The following STK33 variants were observed in gnomAD, a reference collection of about 807,000 sequenced individuals.
STK33 encodes serine/threonine-protein kinase 33.
Under a neutral mutation model 58.0 loss-of-function variants are expected in STK33, and 52 were observed. The observed-to-expected ratio is 0.90, with a 90% confidence interval of 0.72 to 1.13. STK33 has a LOEUF of 1.13. Among genes scored for constraint, STK33 ranks in the 50% most tolerant of loss-of-function variants. The probability of loss-of-function intolerance (pLI) is 0.00; values close to 1 mark genes in which losing one functional copy is unlikely to be tolerated. For missense variants in STK33, 630 were observed against 604.2 expected, an observed-to-expected ratio of 1.04 and a Z score of -0.45; for synonymous variants, 215 against 200.1, an observed-to-expected ratio of 1.07 and a Z score of -0.63.
At chr11:8,457,078 T>C (rs964618278) in intron 9 of STK33, among the ~76,000 whole-genome samples, 8 of 152,240 alleles carry the variant, frequency 5.3e-5, no homozygotes, top group African/African-American at 1.9e-4. Flanking sequence ...CCTTTACCAT[T>C]GATTTGTCTA....
At chr11:8,534,694 A>G (rs1954855606) in intron 1 of STK33, among the ~76,000 whole-genome samples, 2 of 151,900 alleles carry the variant, frequency 1.3e-5, no homozygotes, top group Non-Finnish European at 2.9e-5. Context: ...ACTTTGTAAC[A>G]TATTAAATCA....
intron 1 of STK33, among the ~76,000 whole-genome samples, chr11:8,486,366 T>C (rs1266122185): frequency 6.6e-6 from 1 of 152,208 alleles, no homozygotes. Context: ...TTTCCTGGAA[T>C]CCAGTGCTTT....
At chr11:8,586,721 G>C (rs1314077116) in intron 1 of STK33, among the ~76,000 whole-genome samples, 3 of 151,144 alleles carry the variant, frequency 2.0e-5, no homozygotes, top group African/African-American at 7.3e-5. Context: ...TAACTCGGGA[G>C]GCTGAGGCAG....
chr11:8,369,469 G>A, the STK33 span, among the ~76,000 whole-genome samples: 1 of 149,194 alleles, frequency 6.7e-6, no homozygotes, highest in African/African-American at 2.5e-5. Flanking sequence ...GAATGAGGAG[G>A]CTAAGGGAGT....
the STK33 span, among the ~76,000 whole-genome samples, chr11:8,335,451 AC>A: frequency 6.6e-6 from 1 of 152,042 alleles, no homozygotes; most frequent in South Asian, 2.1e-4. Context: ...AAGGCTGACG[AC>A]CTCCAAAAGG....
rs764685494 is a variant in STK33 at position 8,474,814 on chromosome 11, T to C, written c.92A>G (p.Lys31Arg). ...QKDVLCVCSS[K>R]TRVPPVLVVE... is the part of the protein sequence containing the mutation. The stretch of plus-strand genomic sequence containing the variant: ...CACCAAAACTGGAGGAACCCTTGTT[T>C]TGCTGGAACATACACAAAGTACATC... Residue 31 changes from lysine to arginine, a missense_variant, in exon 5 of 16, where the codon AAA becomes AGA. Physicochemically the swap from Lys to Arg is conservative, Grantham distance 26. Coordinates refer to ENST00000687296, the MANE Select transcript of STK33 (RefSeq NM_001352389.2). 4 of 1,613,306 alleles carry C rather than the reference T, an allele frequency of 2.5e-6. No homozygotes were observed. The highest frequency in any genetic ancestry group is 2.2e-5 in the East Asian group (1 of 44,836).
the STK33 span, among the ~76,000 whole-genome samples, chr11:8,341,299 C>T: frequency 1.5e-4 from 23 of 152,326 alleles, no homozygotes; most frequent in East Asian, 4.4e-3. Context: ...AGGACAGCGA[C>T]CCCACAAAGC....
rs34759366 is a variant in STK33, at chr11:8,508,266, C to CTTTT, written c.-465-27656_-465-27653dup. Among the ~76,000 whole-genome samples, 1,101 of 114,242 alleles carry CTTTT rather than the reference C, an allele frequency of 9.6e-3. 49 individuals carry two copies. The highest frequency in any genetic ancestry group is 0.05 in the Admixed American group (484 of 9,776). 74.9% of individuals were successfully genotyped at this position (114,242 alleles called of 152,430 possible). On this transcript the variant is annotated intron_variant, in intron 1 of 15. Coordinates refer to ENST00000687296, the MANE Select transcript of STK33 (RefSeq NM_001352389.2). ...TGAAACAAATACTCTACCTTCTATT[C>CTTTT]TTTTTTTTTTTTTTTTTTTTGAGAC... is the stretch of plus-strand genomic sequence containing the variant.
chr11:8,471,284 A>G (rs1224684519), intron 6 of STK33, among the ~76,000 whole-genome samples: 1 of 152,214 alleles, frequency 6.6e-6, no homozygotes, highest in African/African-American at 2.4e-5. Context: ...GAAATGGCCA[A>G]CTAGTTTTTT....
chr11:8,577,055 G>A (rs550391384), intron 1 of STK33, among the ~76,000 whole-genome samples: 5 of 152,134 alleles, frequency 3.3e-5, no homozygotes, highest in Non-Finnish European at 7.4e-5. Flanking sequence ...CTGCCAGGAA[G>A]ATTCATTTAG....
chr11:8,593,793 T>TGGGGTGAAGGTGAGACGGTG (rs1403656056), intron 1 of STK33: 1 of 152,218 alleles, frequency 6.6e-6, no homozygotes, highest in Non-Finnish European at 1.5e-5. Context: ...CGTCCCAAGA[T>TGGGGTGAAGGTGAGACGGTG]GGGGTGAAGG....
In STK33 at chr11:8,392,567, T is replaced by C. The variant is rs561491677; in HGVS notation, c.1488A>G (p.Thr496=). ...CGGATTTAGCAGGGTACTTGGTTGC[T>C]GTTCCTTGGCTTGGAGTCACAGGGG... ...EKTPVTPSQG[T]ATKYPAKSGA... is the part of the protein sequence containing the mutation. Residue 496 remains threonine (T), a synonymous_variant, in exon 16 of 16, where the codon ACA becomes ACG. Coordinates refer to ENST00000687296, the MANE Select transcript of STK33 (RefSeq NM_001352389.2). The C allele has an allele frequency of 5.6e-5, 90 of 1,614,248 alleles. 2 individuals are homozygous for C. In the South Asian group the frequency reaches 9.6e-4, roughly 17 times the overall value.
In STK33 at chr11:8,447,370, C is replaced by T. The variant is rs558086632; in HGVS notation, c.871+5452G>A. On this transcript the variant is annotated intron_variant, in intron 11 of 15. Transcript: ENST00000687296. ...TTAGACCAATATCTCTCATGAACAT[C>T]GATGCAAAAATCCTCAATAAAATAC... Among the ~76,000 whole-genome samples, 90 of 152,150 alleles carry T rather than the reference C, an allele frequency of 5.9e-4. 4 individuals carry two copies. The East Asian group carries it at 0.016, about 27-fold the overall frequency.
At chr11:8,452,734 G>A in intron 11 of STK33, 88 bp downstream of exon 11, 3 of 1,206,794 alleles carry the variant, frequency 2.5e-6, no homozygotes, top group Non-Finnish European at 3.6e-6. Flanking sequence ...GCTGCAGTGA[G>A]CCAAGATCAT....
intron 14 of STK33, among the ~76,000 whole-genome samples, chr11:8,432,007 T>C (rs1310436376): frequency 6.6e-6 from 1 of 152,222 alleles, no homozygotes; most frequent in Non-Finnish European, 1.5e-5. Context: ...TTGTTTTCCT[T>C]ACTAAATTGT....
chr11:8,552,738 G>A (rs571025126), intron 1 of STK33, among the ~76,000 whole-genome samples: 1 of 152,120 alleles, frequency 6.6e-6, no homozygotes, highest in East Asian at 1.9e-4. Flanking sequence ...AACAAGCACG[G>A]AGCTGTCATC....
At chr11:8,560,436 T>C (rs938634232) in intron 1 of STK33, among the ~76,000 whole-genome samples, 18 of 151,804 alleles carry the variant, frequency 1.2e-4, no homozygotes, top group African/African-American at 4.4e-4. Context: ...GACTTATCAG[T>C]GATCCCTAAA....
rs567538152 is a variant in STK33, at chr11:8,447,196, A to G, written c.871+5626T>C. 8.6e-5 allele frequency among the ~76,000 whole-genome samples: 13 copies of G among 151,274 alleles called. No homozygotes were observed. In the South Asian group the frequency reaches 2.5e-3, roughly 29 times the overall value. ...AAAAGAAGACATTTATGCAGCCAACATACCAGAGGTACAAGGAGGAGCTGG... is the reference window on the plus strand; with the variant it reads ...AAAAGAAGACATTTATGCAGCCAACGTACCAGAGGTACAAGGAGGAGCTGG... On this transcript the variant is annotated intron_variant, in intron 11 of 15. Transcript: ENST00000687296.
chr11:8,388,709 C>G (rs1028405041), downstream of STK33, among the ~76,000 whole-genome samples: 7 of 152,320 alleles, frequency 4.6e-5, no homozygotes, highest in African/African-American at 1.4e-4. Flanking sequence ...TGGCAGCAAG[C>G]AGCCAGTGTA....
Sources: allele counts gnomAD v4.1 joint callset (sites outside exome capture counted in the v4.1 genomes callset), GRCh38; gene constraint gnomAD v4.1.1; transcripts MANE v1.5; gene names NCBI Gene and HGNC (gene_info 2026-07-23, HGNC 2026-07-21).